ZNF397: variants seen among roughly 807,000 people sequenced by gnomAD.
ZNF397 encodes zinc finger protein 397, also known as zinc finger and SCAN domain-containing protein 15.
In ZNF397, 38 loss-of-function variants were observed where a neutral mutation model predicts 50.6. The ratio of observed to expected loss-of-function variants is 0.75; its 90% CI spans 0.58 to 0.98. ZNF397 has a LOEUF of 0.98. Ranked by LOEUF, ZNF397 falls within the 50% of genes least tolerant of loss-of-function variation. The probability of loss-of-function intolerance (pLI) is 0.00; values close to 1 mark genes in which losing one functional copy is unlikely to be tolerated. For missense variants in ZNF397, 624 were observed against 624.1 expected (o/e 1.00, Z 0.00); for synonymous variants, 228 against 215.2 (o/e 1.06, Z -0.52).
downstream of ZNF397, chr18:35,258,869 C>CAAAAAAAAAAAAAAAAAAA: frequency 3.3e-5 from 1 of 30,646 alleles, no homozygotes; most frequent in Non-Finnish European, 6.0e-5. Context: ...GACTCCATCT[C>CAAAAAAAAAAAAAAAAAAA]AAAAAAAAAA....
In ZNF397 at chr18:35,246,265, C is replaced by T. The variant is rs188509047; in HGVS notation, c.1560C>T (p.His520=). 1.3e-3 allele frequency: 1,941 copies of T among 1,551,934 alleles called. 8 individuals carry two copies. Among genetic ancestry groups the T allele is most frequent in the Admixed American group, 1.6e-3 (84 of 50,962 alleles). The change falls in exon 4 of 4, where the codon CAC becomes CAT. Residue 520 remains histidine (H), a synonymous_variant. Transcript: ENST00000330501. ...ICNECGKAFR[H]RSVLMRHQRV... ...ATGAATGTGGGAAGGCTTTCAGGCA[C>T]AGATCGGTCCTTATGCGCCATCAAA...
chr18:35,245,081 G>C (rs1019707084), intron 3 of ZNF397, among the ~76,000 whole-genome samples, 181 bp from the exon 4 acceptor site: 1 of 152,122 alleles, frequency 6.6e-6, no homozygotes, highest in Non-Finnish European at 1.5e-5. Flanking sequence ...GATGGAATTC[G>C]AAGTGTAGAT....
At position 35,248,533 on chromosome 18, in the gene ZNF397, T is replaced by A. The variant is rs1316663183; in HGVS notation, c.*2223T>A. 6.6e-6 allele frequency: 1 copy of A among 152,180 alleles called. No homozygotes were observed. The highest frequency in any genetic ancestry group is 1.5e-5 in the Non-Finnish European group (1 of 68,028). 9.4% of individuals were successfully genotyped at this position (152,180 alleles called of 1,614,324 possible). A position where few individuals can be genotyped will look rare whatever the true frequency, so the allele number is the denominator to read the frequency against. ...CTCTTTATATAAGAAAGCTCTACTGTATGTCAGAAAGCAATGTAATAGATA... is the reference window on the plus strand; with the variant it reads ...CTCTTTATATAAGAAAGCTCTACTGAATGTCAGAAAGCAATGTAATAGATA... On this transcript the variant is annotated 3_prime_UTR_variant, in exon 4 of 4. Transcript: ENST00000330501.
chr18:35,256,947 A>C (rs1205008667), intron 5 of ZNF397: 2 of 152,948 alleles, frequency 1.3e-5, no homozygotes, highest in East Asian at 1.9e-4. Context: ...TTAATTAAAA[A>C]ATTTTTTTTG....
At chr18:35,257,814 C>A (rs2043890140) in intron 5 of ZNF397, 1 of 770,702 alleles carries the variant, frequency 1.3e-6, no homozygotes, top group Admixed American at 1.7e-5. Context: ...TGCAATTATG[C>A]TTCAGCGGCC....
rs1443809683 is a variant in ZNF397, at chr18:35,245,280, C to G, written c.575C>G (p.Thr192Arg). The G allele has an allele frequency of 1.0e-5, 16 of 1,603,538 alleles. No homozygotes were observed. Among genetic ancestry groups the G allele is most frequent in the Non-Finnish European group, 1.2e-5 (14 of 1,173,466 alleles). ...SPKSDCENSE[T>R]ATKEGISEEK... ...GTTTCAGATTGTGAGAACAGTGAAA[C>G]AGCAACAAAAGAGGGCATCTCAGAA... Residue 192 changes from threonine (T) to arginine (R), a missense_variant, in exon 4 of 4, where the codon ACA becomes AGA. Transcript: ENST00000330501.
chr18:35,257,804 T>G (rs1283591950), intron 5 of ZNF397: 1 of 763,566 alleles, frequency 1.3e-6, no homozygotes, highest in Admixed American at 1.7e-5. Flanking sequence ...AACTCTGCAG[T>G]GCAATTATGC....
downstream of ZNF397, chr18:35,254,010 C>A: frequency 3.7e-6 from 6 of 1,614,184 alleles, no homozygotes; most frequent in Non-Finnish European, 5.1e-6. Context: ...TGGCAAAAGG[C>A]CTTCCCACAG....
chr18:35,253,272 C>A, downstream of ZNF397: 2 of 483,066 alleles, frequency 4.1e-6, 1 homozygote, highest in Middle Eastern at 5.8e-4. Flanking sequence ...TAACATTTTT[C>A]TTCCATTTAA....
At chr18:35,243,350 A>G (rs1912665223) in intron 3 of ZNF397, 57 bp downstream of exon 3, 1 of 1,613,210 alleles carries the variant, frequency 6.2e-7, no homozygotes, top group Admixed American at 1.7e-5. Flanking sequence ...GTTTTTGAGA[A>G]TGCAGAATTA....
At chr18:35,258,214 A>G (rs1359251442) in exon 6 of ZNF397, 3 of 524,222 alleles carry the variant, frequency 5.7e-6, no homozygotes, top group African/African-American at 3.8e-5. Flanking sequence ...AGGAGACTTA[A>G]CAGGAACCCA....
downstream of ZNF397, chr18:35,252,395 G>A (rs896046501): frequency 6.6e-6 from 1 of 152,208 alleles, no homozygotes; most frequent in Non-Finnish European, 1.5e-5. Context: ...TGCCTTCCCA[G>A]GCTCTGCTAT....
rs749099888 is a variant in ZNF397 at position 35,242,638 on chromosome 18, T to A, written c.168T>A (p.Phe56Leu). The A allele has an allele frequency of 4.3e-6, 7 of 1,614,244 alleles. No individual in the cohort carries two copies. The highest frequency in any genetic ancestry group is 1.3e-5 in the African/African-American group (1 of 75,072). ...QELFRQQFRK[F>L]CYQETPGPRE... The stretch of plus-strand genomic sequence containing the variant: ...TGTTTCGTCAGCAATTCAGAAAATT[T>A]TGCTACCAGGAGACACCTGGGCCCC... Residue 56 changes from phenylalanine to leucine, a missense_variant, in exon 2 of 4, where the codon TTT becomes TTA. By Grantham distance (22) the Phe-to-Leu change is conservative. Transcript: ENST00000330501.
downstream of ZNF397, chr18:35,249,913 C>CT (rs2043550141): frequency 6.6e-6 from 1 of 152,022 alleles, no homozygotes; most frequent in Non-Finnish European, 1.5e-5. Context: ...CTCTAATACT[C>CT]TTAAAATTAG....
rs2043502357 is a variant in ZNF397 at position 35,247,579 on chromosome 18, C to T, written c.*1269C>T. The stretch of plus-strand genomic sequence containing the variant: ...GCTTTGGTGCTCAAAAAATATTTGT[C>T]AGTTGCTGGGTCTGTGACATTCTTT... On this transcript the variant is annotated 3_prime_UTR_variant, in exon 4 of 4. Transcript: ENST00000330501. 1 of 151,324 alleles carries T rather than the reference C, an allele frequency of 6.6e-6. No individual in the cohort carries two copies. The highest frequency in any genetic ancestry group is 1.5e-5 in the Non-Finnish European group (1 of 67,950). The allele number at this position is 151,324 out of a possible 1,614,324, so 9.4% of individuals were successfully genotyped here. A position where few individuals can be genotyped will look rare whatever the true frequency, so the allele number is the denominator to read the frequency against.
chr18:35,242,338 G>T (rs913238449), intron 1 of ZNF397, 53 bp from the exon 2 acceptor site: 132 of 812,884 alleles, frequency 1.6e-4, no homozygotes, highest in Non-Finnish European at 2.1e-4. Flanking sequence ...CTTATTACAA[G>T]TACTTAGAGA....
chr18:35,243,396 CCTTTATTATT>C (rs1191983048), intron 3 of ZNF397, 103 bp downstream of exon 3: 1 of 1,550,844 alleles, frequency 6.4e-7, no homozygotes, highest in South Asian at 1.1e-5. Flanking sequence ...GTGAGCATCA[CCTTTATTATT>C]CTAAACCAGA....
At chr18:35,253,784 G>C, downstream of ZNF397, 1 of 1,614,064 alleles carries the variant, frequency 6.2e-7, no homozygotes, top group Non-Finnish European at 8.5e-7. Flanking sequence ...ACATTCATAA[G>C]GCTTCTCTCC....
At chr18:35,258,164 G>A (rs1031373244) in exon 6 of ZNF397, 13 of 596,678 alleles carry the variant, frequency 2.2e-5, no homozygotes, top group African/African-American at 3.7e-5. Flanking sequence ...TTCTTCAGAG[G>A]CAGGGCTAAG....
Sources: gnomAD v4.1 joint callset for allele counts (sites outside exome capture counted in the v4.1 genomes callset) on GRCh38, gnomAD v4.1.1 for gene constraint, MANE v1.5 for transcripts, NCBI Gene and HGNC (gene_info 2026-07-23, HGNC 2026-07-21) for gene names.